RIMS1: variants seen among roughly 807,000 people sequenced by gnomAD.
RIMS1 encodes the protein regulating synaptic membrane exocytosis 1.
Under a neutral mutation model 214.1 loss-of-function variants are expected in RIMS1, and 83 were observed. The ratio of observed to expected loss-of-function variants is 0.39; its 90% CI spans 0.32 to 0.47. The LOEUF (loss-of-function observed/expected upper bound fraction) is 0.47. Ranked by LOEUF, RIMS1 falls within the 20% of genes least tolerant of loss-of-function variation. RIMS1 has a pLI of 0.99. For missense variants in RIMS1, 2,050 were observed against 2,161.8 expected (o/e 0.95, Z 1.03); for synonymous variants, 793 against 786.8 (o/e 1.01, Z -0.13).
chr6:72,343,415 A>G (rs947712261), intron 29 of RIMS1, among the ~76,000 whole-genome samples: 3 of 149,606 alleles, frequency 2.0e-5, no homozygotes, highest in Non-Finnish European at 1.5e-5. Context: ...CTGCTCTTTC[A>G]TTCTTATCTA....
At chr6:71,936,326 C>CAAAAAAAAAAA (rs4034728) in intron 1 of RIMS1, among the ~76,000 whole-genome samples, 1 of 68,698 alleles carries the variant, frequency 1.5e-5, no homozygotes, top group Non-Finnish European at 2.6e-5. Context: ...GACTCCGTCT[C>CAAAAAAAAAAA]AAAAAAAAAA....
chr6:72,135,320 GAA>G (rs2041111072), intron 4 of RIMS1, among the ~76,000 whole-genome samples: 1 of 152,222 alleles, frequency 6.6e-6, no homozygotes, highest in Non-Finnish European at 1.5e-5. Context: ...AATATTAAAA[GAA>G]GAGGAAACTG....
chr6:72,053,734 G>A (rs1825358296), intron 2 of RIMS1, among the ~76,000 whole-genome samples: 1 of 151,998 alleles, frequency 6.6e-6, no homozygotes, highest in African/African-American at 2.4e-5. Flanking sequence ...TTTGAATCAG[G>A]AAATAAATTC....
chr6:72,157,802 C>A (rs2044642614), intron 4 of RIMS1, among the ~76,000 whole-genome samples: 1 of 139,924 alleles, frequency 7.1e-6, no homozygotes, highest in Non-Finnish European at 1.6e-5. Context: ...AATTTGTCAT[C>A]TTTATATTTT....
intron 4 of RIMS1, among the ~76,000 whole-genome samples, chr6:72,150,632 C>G (rs1417200106): frequency 2.0e-5 from 3 of 152,198 alleles, no homozygotes; most frequent in Non-Finnish European, 4.4e-5. Context: ...AATGTGTCAC[C>G]TTACATGTGA....
chr6:72,155,318 C>T (rs2044293731), intron 4 of RIMS1, among the ~76,000 whole-genome samples: 1 of 140,242 alleles, frequency 7.1e-6, no homozygotes, highest in African/African-American at 2.5e-5. Flanking sequence ...CCCAAGTTAC[C>T]TCTTGAATGC....
At chr6:71,943,813 C>G (rs1786949282) in intron 1 of RIMS1, among the ~76,000 whole-genome samples, 2 of 152,124 alleles carry the variant, frequency 1.3e-5, no homozygotes, top group African/African-American at 4.8e-5. Context: ...AAGTTATGAT[C>G]CATTCTTTGA....
At chr6:72,291,000 C>T (rs569803680) in intron 25 of RIMS1, 139 bp downstream of exon 25, 79 of 690,470 alleles carry the variant, frequency 1.1e-4, no homozygotes, top group Admixed American at 1.1e-4. Flanking sequence ...ACTTAAATCT[C>T]TCTCACATCC....
chr6:71,992,059 C>T (rs185134151), intron 2 of RIMS1, among the ~76,000 whole-genome samples: 55 of 151,144 alleles, frequency 3.6e-4, no homozygotes, highest in African/African-American at 1.2e-3. Flanking sequence ...AGTGAAACTC[C>T]GTCTCAAAAA....
At chr6:72,088,027 T>C (rs1207425905) in intron 2 of RIMS1, among the ~76,000 whole-genome samples, 1 of 152,122 alleles carries the variant, frequency 6.6e-6, no homozygotes, top group Admixed American at 6.6e-5. Flanking sequence ...TCCTCACAAA[T>C]TGATGTATGT....
chr6:72,253,045 C>T (rs1195774777), intron 16 of RIMS1, among the ~76,000 whole-genome samples: 5 of 152,150 alleles, frequency 3.3e-5, no homozygotes, highest in Admixed American at 6.5e-5. Context: ...GAGGTTCTTC[C>T]GTAGAAACAT....
intron 6 of RIMS1, among the ~76,000 whole-genome samples, chr6:72,220,799 G>T (rs1429798054): frequency 1.3e-5 from 2 of 152,034 alleles, no homozygotes; most frequent in Admixed American, 6.6e-5. Context: ...CAGAGACTAG[G>T]TTTCTCTTGA....
intron 24 of RIMS1, among the ~76,000 whole-genome samples, chr6:72,285,968 C>T (rs558843658): frequency 2.0e-5 from 3 of 152,140 alleles, no homozygotes; most frequent in East Asian, 3.9e-4. Flanking sequence ...GAGGCCAAGG[C>T]GGGCAGATCA....
chr6:72,060,717 C>T (rs192376592), intron 2 of RIMS1, among the ~76,000 whole-genome samples: 302 of 152,246 alleles, frequency 2.0e-3, no homozygotes, highest in African/African-American at 6.9e-3. Context: ...CCCTGAACAG[C>T]GAAGATGGTA....
Position 72,183,153 on chromosome 6 carries a change from AG to A in RIMS1, c.1678+9del. Reference sequence around the variant, plus strand: ...AGCGAGAGCGTCAGCGAGAAAGGTAAGGGGGCGGCGCCGGCCGTGCGGGGAC... The same window carrying A: ...AGCGAGAGCGTCAGCGAGAAAGGTAAGGGGCGGCGCCGGCCGTGCGGGGAC... On this transcript the variant is annotated splice_donor_5th_base_variant and intron_variant, in intron 6 of 33. Transcript: ENST00000521978. The A allele has an allele frequency of 1.3e-6, 2 of 1,589,502 alleles. No homozygotes were observed. The highest frequency in any genetic ancestry group is 1.8e-5 in the Admixed American group (1 of 56,306).
chr6:72,095,999 A>T (rs1411874379), intron 2 of RIMS1, among the ~76,000 whole-genome samples: 3 of 152,200 alleles, frequency 2.0e-5, no homozygotes, highest in African/African-American at 7.2e-5. Context: ...CATTCACTGG[A>T]TGTTCTTGTG....
chr6:72,166,523 A>C (rs1445939849), intron 4 of RIMS1, among the ~76,000 whole-genome samples: 2 of 152,108 alleles, frequency 1.3e-5, no homozygotes, highest in Non-Finnish European at 2.9e-5. Flanking sequence ...TATTTTGTTA[A>C]AATTATCCTT....
At chr6:72,047,271 T>G (rs560576567) in intron 2 of RIMS1, among the ~76,000 whole-genome samples, 1 of 152,314 alleles carries the variant, frequency 6.6e-6, no homozygotes, top group African/African-American at 2.4e-5. Context: ...AGAGCTTTAT[T>G]TCTGAGAAGC....
intron 4 of RIMS1, among the ~76,000 whole-genome samples, chr6:72,107,919 G>C (rs2035095749): frequency 6.6e-6 from 1 of 152,148 alleles, no homozygotes; most frequent in Admixed American, 6.6e-5. Flanking sequence ...CCTAATTCCT[G>C]TGATGTTTAT....
Sources: allele counts gnomAD v4.1 joint callset (sites outside exome capture counted in the v4.1 genomes callset), GRCh38; gene constraint gnomAD v4.1.1; transcripts MANE v1.5; gene names NCBI Gene and HGNC (gene_info 2026-07-23, HGNC 2026-07-21).